The following MAPK6 variants were observed in gnomAD, a reference collection of about 807,000 sequenced individuals.
The protein encoded by MAPK6 is mitogen-activated protein kinase 6.
Under a neutral mutation model 59.3 loss-of-function variants are expected in MAPK6, and 19 were observed. The ratio of observed to expected loss-of-function variants is 0.32; its 90% CI spans 0.22 to 0.47. The LOEUF (loss-of-function observed/expected upper bound fraction) is 0.47, where lower values mean the gene tolerates loss of function less well. Among genes scored for constraint, MAPK6 ranks in the 20% least tolerant of loss-of-function variants. MAPK6 has a pLI of 1.00. For missense variants in MAPK6, 724 were observed against 847.9 expected (o/e 0.85, Z 1.81); for synonymous variants, 316 against 290.3 (o/e 1.09, Z -0.90).
chr15:51,992,269 A>T (rs1356644797), intron 2 of MAPK6, among the ~76,000 whole-genome samples: 1 of 108,260 alleles, frequency 9.2e-6, no homozygotes, highest in Non-Finnish European at 1.8e-5. Context: ...TCCCTCATTT[A>T]TCTATCTATC....
At chr15:52,039,656 C>T (rs1361654690) in intron 1 of MAPK6, among the ~76,000 whole-genome samples, 6 of 151,768 alleles carry the variant, frequency 4.0e-5, no homozygotes, top group Non-Finnish European at 8.8e-5. Flanking sequence ...GCTGGGATTA[C>T]AGGTGTGAGC....
intron 3 of MAPK6, chr15:52,056,933 G>A (rs1047426650): frequency 1.3e-5 from 2 of 152,198 alleles, no homozygotes; most frequent in African/African-American, 2.4e-5. Flanking sequence ...CCACTCAGAT[G>A]TCTAATAACA....
At chr15:52,028,002 G>A (rs2030877105) in intron 1 of MAPK6, 2 of 142,310 alleles carry the variant, frequency 1.4e-5, no homozygotes, top group Admixed American at 7.4e-5. Flanking sequence ...TGCCCAGGCG[G>A]AGTGCAGTGG....
intron 2 of MAPK6, among the ~76,000 whole-genome samples, chr15:51,991,518 G>A (rs2057208816): frequency 6.6e-6 from 1 of 152,174 alleles, no homozygotes. Flanking sequence ...CGCGACAAAT[G>A]TATTTAGAGC....
At chr15:52,010,571 T>C (rs546379744) in intron 3 of MAPK6, among the ~76,000 whole-genome samples, 2 of 138,220 alleles carry the variant, frequency 1.4e-5, no homozygotes, top group South Asian at 4.5e-4. Flanking sequence ...CAGGCTGGAG[T>C]GTAGTGGCAC....
At chr15:52,060,229 T>C (rs2032147545) in intron 4 of MAPK6, among the ~76,000 whole-genome samples, 1 of 152,146 alleles carries the variant, frequency 6.6e-6, no homozygotes, top group Non-Finnish European at 1.5e-5. Flanking sequence ...ACCGCAAAGA[T>C]GCTGTGTCTT....
At position 51,994,255 on chromosome 15, in the gene MAPK6, T is replaced by C. The variant is rs534961351; in HGVS notation, c.-769-10010T>C. On this transcript the variant is annotated intron_variant, in intron 2 of 7. Coordinates refer to the MAPK6 transcript ENST00000691380. ...GATTACAGGTGTGAGCCACCGCGCC[T>C]GGCCAGCTCTTGGTTTCTAAATACC... is the stretch of plus-strand genomic sequence containing the variant. Among the ~76,000 whole-genome samples the C allele has an allele frequency of 1.2e-4, 19 of 152,242 alleles. No individual in the cohort carries two copies. In the East Asian group the frequency reaches 3.7e-3, roughly 29 times the overall value.
At chr15:51,983,517 A>G (rs2057181357) in intron 2 of MAPK6, among the ~76,000 whole-genome samples, 1 of 151,210 alleles carries the variant, frequency 6.6e-6, no homozygotes, top group Non-Finnish European at 1.5e-5. Flanking sequence ...ACAAAAAAAA[A>G]CAGGACAACA....
intron 3 of MAPK6, among the ~76,000 whole-genome samples, chr15:52,014,072 T>A (rs1406586869): frequency 6.8e-6 from 1 of 147,742 alleles, no homozygotes; most frequent in African/African-American, 2.7e-5. Flanking sequence ...ATCTGGGATT[T>A]TTTTTTTTTT....
chr15:52,016,070 G>GCACGCACACACACA (rs1555396608), upstream of MAPK6, among the ~76,000 whole-genome samples: 1 of 55,392 alleles, frequency 1.8e-5, no homozygotes, highest in Non-Finnish European at 3.4e-5. Context: ...GCGCGCGCGC[G>GCACGCACACACACA]CACACACACA....
intron 1 of MAPK6, among the ~76,000 whole-genome samples, chr15:52,040,983 T>C (rs1283266118): frequency 3.3e-5 from 5 of 152,184 alleles, no homozygotes; most frequent in African/African-American, 1.2e-4. Flanking sequence ...CTAATTAAAC[T>C]TAATGATCAC....
chr15:52,034,681 G>A (rs143269714), intron 1 of MAPK6, among the ~76,000 whole-genome samples: 9 of 151,900 alleles, frequency 5.9e-5, no homozygotes, highest in East Asian at 1.9e-4. Context: ...CACTCTGTGC[G>A]TAGGTATTTT....
At chr15:51,985,374 G>A (rs1319802233) in intron 2 of MAPK6, among the ~76,000 whole-genome samples, 1 of 151,808 alleles carries the variant, frequency 6.6e-6, no homozygotes, top group East Asian at 1.9e-4. Context: ...GTATATCATG[G>A]TCAGGCACGG....
chr15:52,063,078 T>G (rs932321276), intron 5 of MAPK6, among the ~76,000 whole-genome samples: 16 of 152,204 alleles, frequency 1.1e-4, no homozygotes, highest in African/African-American at 3.9e-4. Context: ...AATGGTTCTT[T>G]TCTTTTTTGA....
At chr15:51,987,008 C>CA (rs1231033030) in intron 2 of MAPK6, among the ~76,000 whole-genome samples, 1 of 151,494 alleles carries the variant, frequency 6.6e-6, no homozygotes, top group Non-Finnish European at 1.5e-5. Context: ...TGGCAGTTTG[C>CA]AAAAAAAGTA....
upstream of MAPK6, among the ~76,000 whole-genome samples, chr15:52,016,964 A>G (rs1038033984): frequency 1.3e-5 from 2 of 151,988 alleles, no homozygotes; most frequent in Non-Finnish European, 2.9e-5. Context: ...GAATCGCTTG[A>G]GCAGAGGTTG....
In MAPK6 at chr15:52,046,124, G is replaced by A; in HGVS notation, c.-337G>A. On this transcript the variant is annotated 5_prime_UTR_variant, in exon 2 of 6. Transcript: ENST00000261845. ...TCACATTTTTGTTAAATGTTAAATCGTTTAGCACGGTAATCTGAGTGCACA... is the reference window on the plus strand; with the variant it reads ...TCACATTTTTGTTAAATGTTAAATCATTTAGCACGGTAATCTGAGTGCACA... 1.3e-5 allele frequency: 3 copies of A among 229,000 alleles called. No homozygotes were observed. Among genetic ancestry groups the A allele is most frequent in the Non-Finnish European group, 8.6e-6 (1 of 115,822 alleles). 14.2% of individuals were successfully genotyped at this position (229,000 alleles called of 1,614,324 possible). A position where few individuals can be genotyped will look rare whatever the true frequency, so the allele number is the denominator to read the frequency against.
intron 1 of MAPK6, among the ~76,000 whole-genome samples, chr15:52,030,471 T>G (rs1204157051): frequency 1.3e-5 from 2 of 152,166 alleles, no homozygotes; most frequent in Non-Finnish European, 2.9e-5. Flanking sequence ...AACGTGATTC[T>G]GGACTGGGTC....
chr15:52,019,567 C>T (rs1358960900), intron 1 of MAPK6, among the ~76,000 whole-genome samples, 191 bp downstream of exon 1: 1 of 146,284 alleles, frequency 6.8e-6, no homozygotes, highest in African/African-American at 2.4e-5. Flanking sequence ...CCCTGCTCGC[C>T]CGCCTGCCCG....
Sources: allele counts gnomAD v4.1 joint callset (sites outside exome capture counted in the v4.1 genomes callset), GRCh38; gene constraint gnomAD v4.1.1; transcripts MANE v1.5; gene names NCBI Gene and HGNC (gene_info 2026-07-23, HGNC 2026-07-21).